MTHFD1L: variants seen among roughly 807,000 people sequenced by gnomAD.
MTHFD1L encodes monofunctional C1-tetrahydrofolate synthase, mitochondrial.
Under a neutral mutation model 119.5 loss-of-function variants are expected in MTHFD1L, and 81 were observed. The observed-to-expected ratio is 0.68, with a 90% CI of 0.57 to 0.82. MTHFD1L has a LOEUF of 0.82. Among genes scored for constraint, MTHFD1L ranks in the 40% least tolerant of loss-of-function variants. The pLI is 0.00. For synonymous variants in MTHFD1L, 430 were observed against 475.2 expected (o/e 0.90, Z 1.24); for missense variants, 1,125 against 1,253.4 (o/e 0.90, Z 1.55).
chr6:150,920,325 A>C lies in MTHFD1L; in HGVS notation c.984+1657A>C, dbSNP rs1416757419. ...CCACCACCTGTGTGACCTAAAGGCG[A>C]AGGTCATCAGTGTTCCACCATATAA... On this transcript the variant is annotated intron_variant, in intron 9 of 27. Transcript: ENST00000367321. Among the ~76,000 whole-genome samples, 7 of 152,308 alleles carry C rather than the reference A, an allele frequency of 4.6e-5. No homozygotes were observed. The East Asian group carries it at 1.3e-3, about 29-fold the overall frequency.
At chr6:150,938,676 A>G in intron 12 of MTHFD1L, 23 bp from the exon 13 acceptor site, 13 of 1,605,678 alleles carry the variant, frequency 8.1e-6, no homozygotes, top group Non-Finnish European at 1.1e-5. Context: ...CCCGTTTGAA[A>G]TGCCTCTTGC....
intron 24 of MTHFD1L, among the ~76,000 whole-genome samples, chr6:151,029,444 T>G (rs1012806175): frequency 6.6e-6 from 1 of 150,556 alleles, no homozygotes; most frequent in African/African-American, 2.4e-5. Flanking sequence ...AAATAATATA[T>G]ATATACATAT....
chr6:150,866,041 C>T lies in MTHFD1L; in HGVS notation c.219C>T (p.Ser73=). 1.4e-6 allele frequency: 2 copies of T among 1,458,036 alleles called. No homozygotes were observed. Among genetic ancestry groups the T allele is most frequent in the South Asian group, 1.3e-5 (1 of 76,048 alleles). The allele number at this position is 1,458,036 out of a possible 1,614,324, so 90.3% of individuals were successfully genotyped here. A position where few individuals can be genotyped will look rare whatever the true frequency, so the allele number is the denominator to read the frequency against. ...GCCGAACGCCCGCGGCGCGGGACTC[C>T]ATCGTCAGGTGAGTGTCGGGTCTGG... The part of the protein sequence containing the change: ...PGGRTPAARD[S]IVREVIQNSK... The change falls in exon 1 of 28, where the codon TCC becomes TCT. Residue 73 remains serine (S), a synonymous_variant. Transcript: ENST00000367321.
chr6:150,882,622 C>A, intron 4 of MTHFD1L, 140 bp from the exon 5 acceptor site: 1 of 585,790 alleles, frequency 1.7e-6, no homozygotes. Flanking sequence ...TGCTTTACAC[C>A]AAGTTTCCAA....
At chr6:150,918,521 T>G in intron 8 of MTHFD1L, 56 bp from the exon 9 acceptor site, 1 of 1,200,700 alleles carries the variant, frequency 8.3e-7, no homozygotes, top group Non-Finnish European at 1.2e-6. Context: ...CAAGGAGCAA[T>G]TGGTTAGAAA....
chr6:151,066,826 G>A (rs189398587), intron 26 of MTHFD1L, among the ~76,000 whole-genome samples: 53 of 151,146 alleles, frequency 3.5e-4, no homozygotes, highest in African/African-American at 1.2e-3. Flanking sequence ...CCATCCTTTC[G>A]CTGATGCTTT....
chr6:150,910,953 A>G (rs1398212052), intron 8 of MTHFD1L, among the ~76,000 whole-genome samples: 1 of 152,252 alleles, frequency 6.6e-6, no homozygotes, highest in Non-Finnish European at 1.5e-5. Flanking sequence ...TCATTATGCC[A>G]AAGCAATTGA....
intron 5 of MTHFD1L, among the ~76,000 whole-genome samples, chr6:150,884,028 G>A (rs1263923418): frequency 6.6e-6 from 1 of 152,010 alleles, no homozygotes; most frequent in Non-Finnish European, 1.5e-5. Context: ...AGTCCTGGCT[G>A]GGCACAGTGG....
chr6:151,050,986 T>C (rs989552238), intron 26 of MTHFD1L, among the ~76,000 whole-genome samples: 2 of 152,218 alleles, frequency 1.3e-5, no homozygotes, highest in African/African-American at 2.4e-5. Flanking sequence ...AGGATTTTTG[T>C]AGAGCTTAAT....
chr6:151,042,261 A>T (rs1403229408), intron 26 of MTHFD1L, among the ~76,000 whole-genome samples: 7 of 151,892 alleles, frequency 4.6e-5, no homozygotes, highest in Non-Finnish European at 7.3e-5. Context: ...TAAGCTTCAT[A>T]TGTATTTTAT....
At chr6:151,066,503 C>T (rs1791286838) in intron 26 of MTHFD1L, among the ~76,000 whole-genome samples, 1 of 147,414 alleles carries the variant, frequency 6.8e-6, no homozygotes, top group Non-Finnish European at 1.5e-5. Context: ...CGGTGGCTCA[C>T]ACCTGTAATC....
intron 20 of MTHFD1L, among the ~76,000 whole-genome samples, chr6:150,998,614 C>T (rs563443944): frequency 6.0e-5 from 9 of 149,716 alleles, no homozygotes; most frequent in African/African-American, 2.2e-4. Flanking sequence ...AAATTCCACA[C>T]CTGATCTCGT....
At position 151,052,789 on chromosome 6, in the gene MTHFD1L, C is replaced by T. The variant is rs561472949; in HGVS notation, c.2847+15672C>T. On this transcript the variant is annotated intron_variant, in intron 26 of 27. Coordinates refer to ENST00000367321, the MANE Select transcript of MTHFD1L (RefSeq NM_015440.5). Reference sequence around the variant, plus strand: ...CAAGGGCTCTAGGCCATTCTTCACTCTTTAATGCAGAAAAGCAAAACTTCC... The same window carrying T: ...CAAGGGCTCTAGGCCATTCTTCACTTTTTAATGCAGAAAAGCAAAACTTCC... 4.6e-5 allele frequency among the ~76,000 whole-genome samples: 7 copies of T among 152,302 alleles called. No individual in the cohort carries two copies. The South Asian group carries it at 6.2e-4, about 14-fold the overall frequency.
intron 26 of MTHFD1L, among the ~76,000 whole-genome samples, chr6:151,052,202 G>A (rs1392478084): frequency 6.6e-6 from 1 of 152,194 alleles, no homozygotes; most frequent in African/African-American, 2.4e-5. Context: ...CTGCCAAGTT[G>A]GCCATCAGAC....
intron 7 of MTHFD1L, among the ~76,000 whole-genome samples, chr6:150,891,410 T>C (rs1351402472): frequency 6.7e-6 from 1 of 149,566 alleles, no homozygotes; most frequent in East Asian, 1.9e-4. Context: ...TGTAATCTAA[T>C]ACATACATAC....
chr6:150,976,766 T>G (rs1193430624), intron 20 of MTHFD1L, among the ~76,000 whole-genome samples: 1 of 152,144 alleles, frequency 6.6e-6, no homozygotes, highest in Non-Finnish European at 1.5e-5. Flanking sequence ...TGATTAGCAT[T>G]GAGAATATGT....
intron 18 of MTHFD1L, among the ~76,000 whole-genome samples, chr6:150,961,499 C>T (rs188690215): frequency 6.6e-6 from 1 of 152,306 alleles, no homozygotes; most frequent in East Asian, 1.9e-4. Flanking sequence ...ATAGCCATTA[C>T]TCCAAATTTA....
chr6:151,089,643 T>A (rs1373033239), intron 26 of MTHFD1L, among the ~76,000 whole-genome samples: 1 of 152,180 alleles, frequency 6.6e-6, no homozygotes, highest in Non-Finnish European at 1.5e-5. Context: ...TGCCGGCAAA[T>A]GCCATCTCAA....
At chr6:150,908,619 T>C (rs1786338533) in intron 8 of MTHFD1L, among the ~76,000 whole-genome samples, 1 of 150,946 alleles carries the variant, frequency 6.6e-6, no homozygotes, top group East Asian at 1.9e-4. Flanking sequence ...AAGAGCTTTT[T>C]TTTTTTTCTC....
Sources: gnomAD v4.1 joint callset for allele counts (sites outside exome capture counted in the v4.1 genomes callset) on GRCh38, gnomAD v4.1.1 for gene constraint, MANE v1.5 for transcripts, NCBI Gene and HGNC (gene_info 2026-07-23, HGNC 2026-07-21) for gene names.